The following CD1D variants were observed in gnomAD, a reference collection of about 807,000 sequenced individuals.
The protein encoded by CD1D is antigen-presenting glycoprotein CD1d.
Under a neutral mutation model 42.1 loss-of-function variants are expected in CD1D, and 40 were observed. The ratio of observed to expected loss-of-function variants is 0.95; its 90% CI spans 0.74 to 1.24. CD1D has a LOEUF of 1.24. Among genes scored for constraint, CD1D ranks in the 50% most tolerant of loss-of-function variants. The pLI, the probability that CD1D is intolerant of heterozygous loss-of-function variation, is 0.00. For missense variants in CD1D, 437 were observed against 416.5 expected, an observed-to-expected ratio of 1.05 and a Z score of -0.43; for synonymous variants, 178 against 171.8, an observed-to-expected ratio of 1.04 and a Z score of -0.28.
chr1:158,182,259 C>T lies in CD1D; in HGVS notation c.556C>T (p.Gln186Ter), dbSNP rs1369461190. 1.2e-6 allele frequency: 2 copies of T among 1,614,120 alleles called. No individual in the cohort carries two copies. The highest frequency in any genetic ancestry group is 1.7e-6 in the Non-Finnish European group (2 of 1,180,008). ...VQWLLNGTCP[Q>*]FVSGLLESGK... ...GTGGCTCCTTAATGGCACCTGCCCC[C>T]AATTTGTCAGTGGCCTCCTTGAGTC... is the stretch of plus-strand genomic sequence containing the variant. The change falls in exon 3 of 6, where the codon CAA becomes TAA. Residue 186 changes from glutamine (Q) to a stop codon, truncating the protein, a stop_gained. Coordinates refer to ENST00000674085, the MANE Select transcript of CD1D (RefSeq NM_001371762.2). LOFTEE classifies it high-confidence loss of function.
chr1:158,178,503 A>C (rs2101691487), upstream of CD1D, among the ~76,000 whole-genome samples: 1 of 152,286 alleles, frequency 6.6e-6, no homozygotes, highest in South Asian at 2.1e-4. Flanking sequence ...GATTCCAACT[A>C]ATTTGACGTT....
In CD1D at chr1:158,182,208, G is replaced by A; in HGVS notation, c.505G>A (p.Asp169Asn). Residue 169 changes from aspartate (D) to asparagine (N), a missense_variant, in exon 3 of 6, where the codon GAC (aspartate) becomes AAC (asparagine). Transcript: ENST00000674085. ...VNLAIQVLNQ[D>N]KWTRETVQWL... The stretch of plus-strand genomic sequence containing the variant: ...CTTGGCCATTCAAGTGCTCAACCAG[G>A]ACAAGTGGACGAGGGAAACAGTGCA... 1 of 1,614,192 alleles carries A rather than the reference G, an allele frequency of 6.2e-7. No individual in the cohort carries two copies. The highest frequency in any genetic ancestry group is 1.3e-5 in the African/African-American group (1 of 75,066).
At position 158,181,133 on chromosome 1, in the gene CD1D, C is replaced by T. The variant is rs575858932; in HGVS notation, c.32C>T (p.Ala11Val). Residue 11 changes from alanine (A) to valine (V), a missense_variant, in exon 1 of 6, where the codon GCG becomes GTG. By Grantham distance (64) the Ala-to-Val change is moderately conservative. Coordinates refer to ENST00000674085, the MANE Select transcript of CD1D (RefSeq NM_001371762.2). MGCLLFLLLW[A>V]LLQAWGSAEV... ...TGCCTGCTGTTTCTGCTGCTCTGGGCGCTCCTCCAGGCTTGGGGAAGCGCT... is the reference window on the plus strand; with the variant it reads ...TGCCTGCTGTTTCTGCTGCTCTGGGTGCTCCTCCAGGCTTGGGGAAGCGCT... 7 of 1,549,020 alleles carry T rather than the reference C, an allele frequency of 4.5e-6. No homozygotes were observed. The East Asian group carries it at 1.7e-4, about 38-fold the overall frequency.
chr1:158,182,479 T>A, intron 3 of CD1D, 169 bp downstream of exon 3: 1 of 710,926 alleles, frequency 1.4e-6, no homozygotes, highest in Non-Finnish European at 2.4e-6. Context: ...GAGCACCTCT[T>A]GGGTTCTATG....
rs751106209 is a variant in CD1D, at chr1:158,182,230, T to A, written c.527T>A (p.Val176Glu). 6.2e-7 allele frequency: 1 copy of A among 1,614,164 alleles called. No individual in the cohort carries two copies. The highest frequency in any genetic ancestry group is 2.2e-5 in the East Asian group (1 of 44,886). The change falls in exon 3 of 6, where the codon GTG becomes GAG. Residue 176 changes from valine (V) to glutamate (E), a missense_variant. Transcript: ENST00000674085. ...LNQDKWTRET[V>E]QWLLNGTCPQ... ...CAGGACAAGTGGACGAGGGAAACAG[T>A]GCAGTGGCTCCTTAATGGCACCTGC...
chr1:158,182,441 G>A (rs760128568), intron 3 of CD1D, 131 bp downstream of exon 3: 1 of 987,750 alleles, frequency 1.0e-6, no homozygotes, highest in African/African-American at 1.6e-5. Context: ...AGGGGTGAGG[G>A]TATTTATTCA....
upstream of CD1D, chr1:158,180,738 C>T (rs911731682): frequency 2.5e-5 from 6 of 239,548 alleles, no homozygotes; most frequent in African/African-American, 1.3e-4. Context: ...AACACAGACA[C>T]AACCTTATGT....
rs752161067 is a variant in CD1D at position 158,181,609 on chromosome 1, C to G, written c.216C>G (p.Ser72=). The change falls in exon 2 of 6, where the codon TCC becomes TCG. Residue 72 remains serine, a synonymous_variant. Coordinates refer to ENST00000674085, the MANE Select transcript of CD1D (RefSeq NM_001371762.2). ...CCGTCCGCTCTCTGAAGCCTTGGTC[C>G]CAGGGCACGTTCAGCGACCAGCAGT... ...SDTVRSLKPW[S]QGTFSDQQWE... The G allele has an allele frequency of 2.5e-6, 4 of 1,614,146 alleles. No individual in the cohort carries two copies. The South Asian group carries it at 4.4e-5, about 18-fold the overall frequency.
At chr1:158,183,826 A>C (rs931303167) in intron 4 of CD1D, 110 bp from the exon 5 acceptor site, 17 of 810,324 alleles carry the variant, frequency 2.1e-5, no homozygotes, top group Non-Finnish European at 3.3e-5. Context: ...TTTTAAGTGG[A>C]GGAGGAAATA....
At chr1:158,180,885 C>G, upstream of CD1D, 3 of 437,700 alleles carry the variant, frequency 6.9e-6, no homozygotes, top group Non-Finnish European at 1.2e-5. Flanking sequence ...CCTGGGACCC[C>G]GACCTCTTTG....
intron 4 of CD1D, among the ~76,000 whole-genome samples, chr1:158,183,465 A>G (rs1236222340): frequency 6.6e-6 from 1 of 152,258 alleles, no homozygotes; most frequent in African/African-American, 2.4e-5. Flanking sequence ...AAAGGGAGCC[A>G]GGCCTTTGGG....
chr1:158,182,467 C>G lies in CD1D; in HGVS notation c.607+157C>G, dbSNP rs750168981. 118 of 768,614 alleles carry G rather than the reference C, an allele frequency of 1.5e-4. 2 individuals carry two copies. The South Asian group carries it at 1.9e-3, about 12-fold the overall frequency. 47.6% of individuals were successfully genotyped at this position (768,614 alleles called of 1,614,324 possible). ...TATTTATTCATTTCACAGACATCAA[C>G]TGAGCACCTCTTGGGTTCTATGAAT... On this transcript the variant is annotated intron_variant, in intron 3 of 5. Transcript: ENST00000674085.
chr1:158,182,457 C>A, intron 3 of CD1D, 147 bp downstream of exon 3: 1 of 835,392 alleles, frequency 1.2e-6, no homozygotes, highest in South Asian at 1.6e-5. Flanking sequence ...ATTCATTTCA[C>A]AGACATCAAC....
chr1:158,180,963 G>T lies in CD1D; in HGVS notation c.-139G>T. ...AGCAAACCGCCGGCAAGCCCAGCGA[G>T]GAGGGCTGCCGGGGTCTGGGCTTGG... On this transcript the variant is annotated 5_prime_UTR_variant, in exon 1 of 6. In the 5' UTR this introduces an upstream ATG that the reference lacks. Transcript: ENST00000674085. 1.4e-6 allele frequency: 1 copy of T among 712,892 alleles called. No individual in the cohort carries two copies. Among genetic ancestry groups the T allele is most frequent in the Non-Finnish European group, 2.1e-6 (1 of 475,312 alleles). 44.2% of individuals were successfully genotyped at this position (712,892 alleles called of 1,614,324 possible).
chr1:158,182,126 C>T lies in CD1D; in HGVS notation c.423C>T (p.Ile141=), dbSNP rs372503442. The part of the protein sequence containing the change: ...FFHVAFQGKD[I]LSFQGTSWEP... ...ATGTAGCATTTCAAGGAAAAGATAT[C>T]CTGAGTTTCCAAGGAACTTCTTGGG... The change falls in exon 3 of 6, where the codon ATC becomes ATT. Residue 141 remains isoleucine, a synonymous_variant. Coordinates refer to ENST00000674085, the MANE Select transcript of CD1D (RefSeq NM_001371762.2). The T allele has an allele frequency of 6.2e-7, 1 of 1,614,164 alleles. No individual in the cohort carries two copies. The highest frequency in any genetic ancestry group is 8.5e-7 in the Non-Finnish European group (1 of 1,180,028).
chr1:158,181,414 C>T, intron 1 of CD1D, 41 bp from the exon 2 acceptor site: 1 of 1,605,730 alleles, frequency 6.2e-7, no homozygotes, highest in South Asian at 1.1e-5. Context: ...GCTGCTCTCC[C>T]GGCCACTTGC....
upstream of CD1D, chr1:158,180,244 A>G (rs576303037): frequency 6.6e-6 from 1 of 152,388 alleles, no homozygotes; most frequent in African/African-American, 2.4e-5. Flanking sequence ...CTGTCCAGGT[A>G]CACACTGTCA....
chr1:158,182,909 C>T lies in CD1D; in HGVS notation c.639C>T (p.Pro213=). 1 of 1,612,876 alleles carries T rather than the reference C, an allele frequency of 6.2e-7. No individual in the cohort carries two copies. Among genetic ancestry groups the T allele is most frequent in the Non-Finnish European group, 8.5e-7 (1 of 1,179,190 alleles). ...CCAAGGCCTGGCTGTCCCGTGGCCC[C>T]AGTCCTGGCCCTGGCCGTCTGCTGC... ...VKPKAWLSRG[P]SPGPGRLLLV... Residue 213 remains proline (P), a synonymous_variant, in exon 4 of 6, where the codon CCC becomes CCT. Transcript: ENST00000674085.
rs2101585862 is a variant in CD1D, at chr1:158,186,080, C to T, written c.*1930C>T. ...TGGCTGAGGGGACTGGAGTTCTAGCCTCTGAACCAGTTTCCTCCTGTGCCA... is the reference window on the plus strand; with the variant it reads ...TGGCTGAGGGGACTGGAGTTCTAGCTTCTGAACCAGTTTCCTCCTGTGCCA... On this transcript the variant is annotated 3_prime_UTR_variant, in exon 6 of 6. Coordinates refer to ENST00000674085, the MANE Select transcript of CD1D (RefSeq NM_001371762.2). Among the ~76,000 whole-genome samples the T allele has an allele frequency of 6.6e-6, 1 of 152,306 alleles. No homozygotes were observed. Among genetic ancestry groups the T allele is most frequent in the Admixed American group, 6.5e-5 (1 of 15,296 alleles).
Sources: allele counts gnomAD v4.1 joint callset (sites outside exome capture counted in the v4.1 genomes callset), GRCh38; gene constraint gnomAD v4.1.1; transcripts MANE v1.5; gene names NCBI Gene and HGNC (gene_info 2026-07-23, HGNC 2026-07-21).